RPS6KA4: variants seen among roughly 807,000 people sequenced by gnomAD.
The protein encoded by RPS6KA4 is ribosomal protein S6 kinase alpha-4.
RPS6KA4 carries 38 observed loss-of-function variants against 89.6 expected under a neutral mutation model. That is an observed-to-expected ratio of 0.42 (90% CI 0.33 to 0.56). The LOEUF (loss-of-function observed/expected upper bound fraction) is 0.56, where lower values mean the gene tolerates loss of function less well. Among genes scored for constraint, RPS6KA4 ranks in the 20% least tolerant of loss-of-function variants. The pLI, the probability that RPS6KA4 is intolerant of heterozygous loss-of-function variation, is 0.07. For synonymous variants in RPS6KA4, 495 were observed against 492.8 expected, an observed-to-expected ratio of 1.00 and a Z score of -0.06; for missense variants, 873 against 1,098.8, an observed-to-expected ratio of 0.79 and a Z score of 2.90.
Position 64,371,351 on chromosome 11 carries a change from G to A in RPS6KA4, c.2190G>A (p.Arg730=), listed in dbSNP as rs2037067324. The change falls in exon 17 of 17, where the codon CGG becomes CGA. Residue 730 remains arginine, a synonymous_variant. Coordinates refer to ENST00000334205, the MANE Select transcript of RPS6KA4 (RefSeq NM_003942.3). ...KSVENAPLAK[R]RKQKLRSATA... is the part of the protein sequence containing the mutation. ...TGGAGAATGCACCCCTGGCCAAGCG[G>A]CGGAAGCAGAAGCTGCGGAGCGCCA... is the stretch of plus-strand genomic sequence containing the variant. 11 of 1,612,696 alleles carry A rather than the reference G, an allele frequency of 6.8e-6. No homozygotes were observed. Among genetic ancestry groups the A allele is most frequent in the Non-Finnish European group, 9.3e-6 (11 of 1,179,912 alleles).
In RPS6KA4 at chr11:64,359,205, G is replaced by T; in HGVS notation, c.-31G>T. On this transcript the variant is annotated 5_prime_UTR_variant, in exon 1 of 17. Coordinates refer to ENST00000334205, the MANE Select transcript of RPS6KA4 (RefSeq NM_003942.3). The stretch of plus-strand genomic sequence containing the variant: ...ATGTAACCGGCGCCGCCCGGAGCCC[G>T]AGCCGCGCGGGCCCCAGCGACCCGC... 7.8e-7 allele frequency: 1 copy of T among 1,287,024 alleles called. No homozygotes were observed. The highest frequency in any genetic ancestry group is 9.9e-7 in the Non-Finnish European group (1 of 1,009,404). The allele number at this position is 1,287,024 out of a possible 1,614,324, so 79.7% of individuals were successfully genotyped here. A position where few individuals can be genotyped will look rare whatever the true frequency, so the allele number is the denominator to read the frequency against.
chr11:64,370,080 G>T lies in RPS6KA4; in HGVS notation c.1798-145G>T. The T allele has an allele frequency of 9.2e-7, 1 of 1,090,632 alleles. No individual in the cohort carries two copies. The allele number at this position is 1,090,632 out of a possible 1,614,324, so 67.6% of individuals were successfully genotyped here. A position where few individuals can be genotyped will look rare whatever the true frequency, so the allele number is the denominator to read the frequency against. ...TCTGGTGCTAGAGTCGGAGCATCCG[G>T]GTATTGGGGGTTAGAAGTCAGGGTT... On this transcript the variant is annotated intron_variant, in intron 14 of 16. Coordinates refer to ENST00000334205, the MANE Select transcript of RPS6KA4 (RefSeq NM_003942.3). The surrounding 1 kb of genome is among the most constrained non-coding windows in gnomAD (Gnocchi z 4.1).
In RPS6KA4 at chr11:64,368,115, G is replaced by A. The variant is rs940070830; in HGVS notation, c.1072-17G>A. ...ACCCCCATGCCCATGCCCATTCCCC[G>A]GACTCCCGCCCTGCAGGGATACTCC... On this transcript the variant is annotated splice_polypyrimidine_tract_variant and intron_variant, in intron 9 of 16. Transcript: ENST00000334205. The A allele has an allele frequency of 6.2e-7, 1 of 1,612,328 alleles. No homozygotes were observed.
In RPS6KA4 at chr11:64,360,344, C is replaced by T. The variant is rs1421404980; in HGVS notation, c.309C>T (p.Tyr103=). ...CGCCCTTCCTGGTCACGCTGCACTA[C>T]GCTTTCCAGACGGATGCCAAGCTGC... ...RQAPFLVTLH[Y]AFQTDAKLHL... is the part of the protein sequence containing the mutation. Residue 103 remains tyrosine (Y), a synonymous_variant, in exon 3 of 17, where the codon TAC becomes TAT. Coordinates refer to ENST00000334205, the MANE Select transcript of RPS6KA4 (RefSeq NM_003942.3). 45 of 1,549,746 alleles carry T rather than the reference C, an allele frequency of 2.9e-5. No individual in the cohort carries two copies. The highest frequency in any genetic ancestry group is 3.9e-5 in the Non-Finnish European group (45 of 1,146,536).
chr11:64,359,545 C>G, intron 2 of RPS6KA4, 96 bp downstream of exon 2: 1 of 1,307,346 alleles, frequency 7.6e-7, no homozygotes, highest in Non-Finnish European at 1.1e-6. Flanking sequence ...ACTGAGCAGG[C>G]CCCCCACCCT....
chr11:64,372,031 G>C lies in RPS6KA4; in HGVS notation c.*551G>C, dbSNP rs1322417259. 1 of 152,578 alleles carries C rather than the reference G, an allele frequency of 6.6e-6. No homozygotes were observed. Among genetic ancestry groups the C allele is most frequent in the Non-Finnish European group, 1.5e-5 (1 of 68,084 alleles). 9.5% of individuals were successfully genotyped at this position (152,578 alleles called of 1,614,324 possible). A position where few individuals can be genotyped will look rare whatever the true frequency, so the allele number is the denominator to read the frequency against. ...CTTCTCCCCTGTTGGGGCTAAGGAA[G>C]GAGATAGGTGGCTCCTAAAAGAGGA... On this transcript the variant is annotated 3_prime_UTR_variant, in exon 17 of 17. Coordinates refer to ENST00000334205, the MANE Select transcript of RPS6KA4 (RefSeq NM_003942.3).
intron 2 of RPS6KA4, 199 bp downstream of exon 2, chr11:64,359,648 C>G (rs2135323313): frequency 1.7e-6 from 1 of 604,880 alleles, no homozygotes; most frequent in South Asian, 2.0e-5. Context: ...TCACTCCTCC[C>G]TCCACGGTCC....
chr11:64,365,879 A>G (rs539832034), intron 9 of RPS6KA4, among the ~76,000 whole-genome samples: 15 of 152,162 alleles, frequency 9.9e-5, no homozygotes, highest in African/African-American at 3.6e-4. Context: ...TCTCTACTAA[A>G]AATACAAAAA....
Position 64,359,454 on chromosome 11 carries a change from G to A in RPS6KA4, c.127+5G>A. 1 of 1,613,358 alleles carries A rather than the reference G, an allele frequency of 6.2e-7. No homozygotes were observed. Among genetic ancestry groups the A allele is most frequent in the Non-Finnish European group, 8.5e-7 (1 of 1,179,686 alleles). Reference sequence around the variant, plus strand: ...TCAAGGTGCTGGGCACGGGAGGTGAGGACCCCCATCCACCGGGCAGGCGTC... The same window carrying A: ...TCAAGGTGCTGGGCACGGGAGGTGAAGACCCCCATCCACCGGGCAGGCGTC... On this transcript the variant is annotated splice_donor_5th_base_variant and intron_variant, in intron 2 of 16. Coordinates refer to ENST00000334205, the MANE Select transcript of RPS6KA4 (RefSeq NM_003942.3).
In RPS6KA4 at chr11:64,370,242, G is replaced by T. The variant is rs766511072; in HGVS notation, c.1815G>T (p.Gly605=). 20 of 1,568,234 alleles carry T rather than the reference G, an allele frequency of 1.3e-5. No individual in the cohort carries two copies. The Admixed American group carries it at 2.8e-4, about 22-fold the overall frequency. The change falls in exon 15 of 17, where the codon GGG becomes GGT. Residue 605 remains glycine (G), a synonymous_variant. Transcript: ENST00000334205. The surrounding 1 kb of genome is among the most constrained non-coding windows in gnomAD (Gnocchi z 4.1). ...LGVILYMMLS[G]QVPFQGASGQ... Reference sequence around the variant, plus strand: ...CCTCCTAGTACATGATGCTGTCGGGGCAGGTCCCCTTCCAGGGGGCCTCTG... The same window carrying T: ...CCTCCTAGTACATGATGCTGTCGGGTCAGGTCCCCTTCCAGGGGGCCTCTG...
chr11:64,359,613 A>T (rs1467899713), intron 2 of RPS6KA4, 164 bp downstream of exon 2: 12 of 666,288 alleles, frequency 1.8e-5, no homozygotes, highest in Non-Finnish European at 3.1e-5. Context: ...TTGCATGCCC[A>T]CTTCCAGGGC....
At chr11:64,371,139 GA>G (rs2037060481) in intron 16 of RPS6KA4, 143 bp from the exon 17 acceptor site, 1 of 592,124 alleles carries the variant, frequency 1.7e-6, no homozygotes, top group African/African-American at 2.1e-5. Flanking sequence ...GAGGTGAACC[GA>G]ATCCGGTGGT....
intron 2 of RPS6KA4, 51 bp downstream of exon 2, chr11:64,359,500 C>G (rs1164313514): frequency 6.3e-7 from 1 of 1,581,438 alleles, no homozygotes; most frequent in South Asian, 1.1e-5. Context: ...TGCCCCTGAC[C>G]TCCTGCCTGC....
intron 8 of RPS6KA4, 134 bp from the exon 9 acceptor site, chr11:64,365,167 G>A (rs1423641251): frequency 2.1e-6 from 2 of 963,352 alleles, no homozygotes; most frequent in Non-Finnish European, 3.1e-6. Flanking sequence ...AGGGAGGCAG[G>A]AGGAACAGCT....
At chr11:64,365,257 C>T (rs372216871) in intron 8 of RPS6KA4, 44 bp from the exon 9 acceptor site, 39 of 1,586,908 alleles carry the variant, frequency 2.5e-5, no homozygotes, top group African/African-American at 4.0e-5. Flanking sequence ...GGGAGTTTCT[C>T]GTTCCTGGCC....
intron 8 of RPS6KA4, 50 bp from the exon 9 acceptor site, chr11:64,365,251 G>A: frequency 6.3e-7 from 1 of 1,583,222 alleles, no homozygotes; most frequent in Non-Finnish European, 8.6e-7. Context: ...AGTGGAGGGA[G>A]TTTCTCGTTC....
At chr11:64,365,226 A>G (rs1387274367) in intron 8 of RPS6KA4, 75 bp from the exon 9 acceptor site, 15 of 1,535,618 alleles carry the variant, frequency 9.8e-6, no homozygotes, top group Non-Finnish European at 1.3e-5. Context: ...GGAACTGCCC[A>G]GTGAGGGTGG....
chr11:64,367,779 AGCGGATAGAGTTG>A (rs1181429733), intron 9 of RPS6KA4, among the ~76,000 whole-genome samples: 31 of 152,128 alleles, frequency 2.0e-4, no homozygotes, highest in Non-Finnish European at 1.9e-4. Flanking sequence ...TTTTTTCCTC[AGCGGATAGAGTTG>A]GATTCTCATA....
Position 64,370,347 on chromosome 11 carries a change from G to T in RPS6KA4, c.1920G>T (p.Trp640Cys). The T allele has an allele frequency of 6.2e-7, 1 of 1,607,622 alleles. No individual in the cohort carries two copies. Among genetic ancestry groups the T allele is most frequent in the South Asian group, 1.1e-5 (1 of 90,534 alleles). Reference sequence around the variant, plus strand: ...GCTTCTCCCTTGACGGGGAGGCCTGGCAGGGTGTATCCGAGGAAGCCAAGG... The same window carrying T: ...GCTTCTCCCTTGACGGGGAGGCCTGTCAGGGTGTATCCGAGGAAGCCAAGG... ...EGRFSLDGEAWQGVSEEAKEL... is the reference protein window; with the variant it reads ...EGRFSLDGEACQGVSEEAKEL... Residue 640 changes from tryptophan to cysteine, a missense_variant, in exon 15 of 17, where the codon TGG becomes TGT. Physicochemically the swap from Trp to Cys is radical, Grantham distance 215. This residue lies in a region of RPS6KA4 where 278 missense variants were observed against 284.8 expected (regional missense o/e 0.98). Transcript: ENST00000334205. This position sits in a 1 kb window ranked among gnomAD's most constrained non-coding sequence, Gnocchi z 4.1.
Sources: allele counts gnomAD v4.1 joint callset (sites outside exome capture counted in the v4.1 genomes callset), GRCh38; gene constraint gnomAD v4.1.1; regional missense constraint gnomAD v4.1.1; non-coding constraint Gnocchi (gnomAD v3.1); transcripts MANE v1.5; gene names NCBI Gene and HGNC (gene_info 2026-07-23, HGNC 2026-07-21).